Variants in LPO observed in about 807,000 individuals in gnomAD.
LPO encodes salivary peroxidase.
A neutral mutation model predicts 68.4 loss-of-function variants in LPO; 70 were observed. That is an observed-to-expected ratio of 1.02 (90% CI 0.84 to 1.25). The LOEUF is 1.25. LPO is among the 50% of genes most tolerant of loss of function. The probability of loss-of-function intolerance (pLI) is 0.00; values close to 1 mark genes in which losing one functional copy is unlikely to be tolerated. For synonymous variants in LPO, 360 were observed against 357.6 expected, an observed-to-expected ratio of 1.01 and a Z score of -0.08; for missense variants, 873 against 908.4, an observed-to-expected ratio of 0.96 and a Z score of 0.50.
At chr17:58,257,223 C>T (rs115576510) in intron 9 of LPO, among the ~76,000 whole-genome samples, 11,715 of 152,002 alleles carry the variant, frequency 0.077, 472 homozygotes, top group Middle Eastern at 0.14. Flanking sequence ...CATGAGCCAC[C>T]GCGCCTGGCC....
At chr17:58,255,801 C>G (rs1970059351) in intron 9 of LPO, among the ~76,000 whole-genome samples, 1 of 152,158 alleles carries the variant, frequency 6.6e-6, no homozygotes, top group African/African-American at 2.4e-5. Flanking sequence ...GATACACTGG[C>G]AAAACCAGGA....
chr17:58,254,685 T>C (rs1247815961), intron 8 of LPO, 126 bp from the exon 9 acceptor site: 2 of 796,794 alleles, frequency 2.5e-6, no homozygotes, highest in Non-Finnish European at 3.7e-6. Context: ...TGACGGGAAG[T>C]AGGGCTTGTT....
At chr17:58,257,688 C>G (rs1301691254) in intron 9 of LPO, among the ~76,000 whole-genome samples, 1 of 152,194 alleles carries the variant, frequency 6.6e-6, no homozygotes, top group Non-Finnish European at 1.5e-5. Flanking sequence ...TATGGCAGCT[C>G]AATTTTTAGT....
rs1970288023 is a variant in LPO at position 58,267,372 on chromosome 17, T to C, written c.1717T>C (p.Cys573Arg). The C allele has an allele frequency of 1.9e-6, 3 of 1,614,102 alleles. No individual in the cohort carries two copies. Among genetic ancestry groups the C allele is most frequent in the Admixed American group, 3.3e-5 (2 of 60,002 alleles). ...AGGGTACAATTCCTGGAGAGCCTTC[T>C]GTGACCTCTCACAGCCGCAGACACT... is the stretch of plus-strand genomic sequence containing the variant. ...QPGYNSWRAF[C>R]DLSQPQTLEE... Residue 573 changes from cysteine to arginine, a missense_variant, in exon 12 of 13, where the codon TGT becomes CGT. By Grantham distance (180) the Cys-to-Arg change is radical. Coordinates refer to ENST00000262290, the MANE Select transcript of LPO (RefSeq NM_006151.3).
At chr17:58,250,310 A>C in intron 6 of LPO, 105 bp from the exon 7 acceptor site, 2 of 865,370 alleles carry the variant, frequency 2.3e-6, no homozygotes, top group Non-Finnish European at 3.9e-6. Context: ...TGTAGGGATT[A>C]AGTGCACTTG....
At position 58,254,872 on chromosome 17, in the gene LPO, G is replaced by A; in HGVS notation, c.1167G>A (p.Glu389=). Residue 389 remains glutamate, a synonymous_variant, in exon 9 of 13, where the codon GAG becomes GAA. Coordinates refer to ENST00000262290, the MANE Select transcript of LPO (RefSeq NM_006151.3). ...CATCCCACACCCTCTTTCTCCGCGA[G>A]CATAACCGGCTGGCCAGAGAACTAA... ...LATSHTLFLR[E]HNRLARELKR... 6.2e-7 allele frequency: 1 copy of A among 1,614,172 alleles called. No individual in the cohort carries two copies. The highest frequency in any genetic ancestry group is 8.5e-7 in the Non-Finnish European group (1 of 1,180,044).
chr17:58,257,207 T>A (rs1175099250), intron 9 of LPO, among the ~76,000 whole-genome samples: 9 of 151,998 alleles, frequency 5.9e-5, no homozygotes, highest in African/African-American at 2.2e-4. Context: ...ATGCTGAGAT[T>A]ACAGACATGA....
intron 2 of LPO, chr17:58,243,609 G>T (rs146912449): frequency 3.6e-6 from 1 of 281,140 alleles, no homozygotes. Flanking sequence ...CCTTCTGTAC[G>T]TCAGGGTCCT....
In LPO at chr17:58,267,753, A is replaced by G. The variant is rs1598036106; in HGVS notation, c.1932-34A>G. The G allele has an allele frequency of 2.5e-6, 4 of 1,597,776 alleles. No homozygotes were observed. In the East Asian group the frequency reaches 8.9e-5, roughly 36 times the overall value. ...ACAGAGTGGGGAGGGGCCAGCGGCC[A>G]GACTGTGGAGTGACTCTACTTCTGT... On this transcript the variant is annotated intron_variant, in intron 12 of 12. Coordinates refer to ENST00000262290, the MANE Select transcript of LPO (RefSeq NM_006151.3).
In LPO at chr17:58,264,935, C is replaced by T. The variant is rs757556678; in HGVS notation, c.1480C>T (p.His494Tyr). 5 of 1,614,216 alleles carry T rather than the reference C, an allele frequency of 3.1e-6. No individual in the cohort carries two copies. The South Asian group carries it at 5.5e-5, about 18-fold the overall frequency. ...PWGPEPELPLHTLFFNTWRMV... is the reference protein window; with the variant it reads ...PWGPEPELPLYTLFFNTWRMV... ...GGGGCCAGAACCAGAACTCCCCCTCCACACCCTCTTCTTCAACACTTGGAG... is the reference window on the plus strand; with the variant it reads ...GGGGCCAGAACCAGAACTCCCCCTCTACACCCTCTTCTTCAACACTTGGAG... Residue 494 changes from histidine (H) to tyrosine (Y), a missense_variant, in exon 10 of 13, where the codon CAC (histidine) becomes TAC (tyrosine). By Grantham distance (83) the His-to-Tyr change is moderately conservative (BLOSUM62 2). Coordinates refer to ENST00000262290, the MANE Select transcript of LPO (RefSeq NM_006151.3).
Position 58,247,462 on chromosome 17 carries a change from T to C in LPO, c.165-16T>C. On this transcript the variant is annotated splice_polypyrimidine_tract_variant and intron_variant, in intron 3 of 12. Coordinates refer to ENST00000262290, the MANE Select transcript of LPO (RefSeq NM_006151.3). ...TACAGGGTCCAGGCCATGATCCCCA[T>C]CTCCCTCCACTGTAGGCTGAAGACC... is the stretch of plus-strand genomic sequence containing the variant. 8 of 1,413,844 alleles carry C rather than the reference T, an allele frequency of 5.7e-6. No homozygotes were observed. Among genetic ancestry groups the C allele is most frequent in the Non-Finnish European group, 7.6e-6 (8 of 1,052,926 alleles). The allele number at this position is 1,413,844 out of a possible 1,614,324, so 87.6% of individuals were successfully genotyped here. A position where few individuals can be genotyped will look rare whatever the true frequency, so the allele number is the denominator to read the frequency against.
Position 58,247,465 on chromosome 17 carries a change from C to T in LPO, c.165-13C>T. On this transcript the variant is annotated splice_polypyrimidine_tract_variant and intron_variant, in intron 3 of 12. Coordinates refer to ENST00000262290, the MANE Select transcript of LPO (RefSeq NM_006151.3). Reference sequence around the variant, plus strand: ...AGGGTCCAGGCCATGATCCCCATCTCCCTCCACTGTAGGCTGAAGACCGCC... The same window carrying T: ...AGGGTCCAGGCCATGATCCCCATCTTCCTCCACTGTAGGCTGAAGACCGCC... 6.2e-7 allele frequency: 1 copy of T among 1,601,788 alleles called. No individual in the cohort carries two copies. Among genetic ancestry groups the T allele is most frequent in the Non-Finnish European group, 8.5e-7 (1 of 1,173,428 alleles).
rs989119091 is a variant in LPO, at chr17:58,238,627, T to G, written c.-115T>G. 1.3e-5 allele frequency: 2 copies of G among 152,218 alleles called. No homozygotes were observed. The highest frequency in any genetic ancestry group is 2.9e-5 in the Non-Finnish European group (2 of 68,020). The allele number at this position is 152,218 out of a possible 1,614,324, so 9.4% of individuals were successfully genotyped here. A position where few individuals can be genotyped will look rare whatever the true frequency, so the allele number is the denominator to read the frequency against. On this transcript the variant is annotated 5_prime_UTR_variant, in exon 1 of 13. Coordinates refer to ENST00000262290, the MANE Select transcript of LPO (RefSeq NM_006151.3). Reference sequence around the variant, plus strand: ...GCGTCTCCTCCAAGCCACATCAAAATCTTTCCTTCTGGGCCTTTCCCAGAA... The same window carrying G: ...GCGTCTCCTCCAAGCCACATCAAAAGCTTTCCTTCTGGGCCTTTCCCAGAA...
rs115760979 is a variant in LPO, at chr17:58,242,826, G to C, written c.-2-152G>C. 4.5e-4 allele frequency: 293 copies of C among 644,066 alleles called. No individual in the cohort carries two copies. In the African/African-American group the frequency reaches 4.6e-3, roughly 10 times the overall value. 39.9% of individuals were successfully genotyped at this position (644,066 alleles called of 1,614,324 possible). On this transcript the variant is annotated intron_variant, in intron 1 of 12. Transcript: ENST00000262290. ...GTACCTAGCACAGGCCTGTGTGTAT[G>C]GTAGATGCTTCATTCGTTAATGTGG...
chr17:58,244,124 C>CAT, intron 3 of LPO, 43 bp downstream of exon 3: 1 of 1,365,716 alleles, frequency 7.3e-7, no homozygotes. Flanking sequence ...CACACACACA[C>CAT]ACACACACTT....
intron 4 of LPO, among the ~76,000 whole-genome samples, chr17:58,248,005 A>G (rs556289079): frequency 5.6e-4 from 85 of 152,316 alleles, no homozygotes; most frequent in South Asian, 1.5e-3. Flanking sequence ...TTCCTCTAGT[A>G]GAAGAGACAT....
intron 9 of LPO, among the ~76,000 whole-genome samples, chr17:58,255,367 G>T (rs1030005883): frequency 6.6e-6 from 1 of 152,190 alleles, no homozygotes. Context: ...CATACTCAGC[G>T]GATACTGTTG....
intron 11 of LPO, among the ~76,000 whole-genome samples, 198 bp downstream of exon 11, chr17:58,266,524 G>A (rs553355328): frequency 1.2e-4 from 19 of 152,008 alleles, no homozygotes; most frequent in African/African-American, 2.7e-4. Flanking sequence ...ACAGCGGTGC[G>A]ATCACAGCTC....
chr17:58,250,062 C>T lies in LPO; in HGVS notation c.574-353C>T, dbSNP rs552539170. ...GGCAGCCCCTACCCAGAGCCCCTCTCCTATTCCTGGACACCTGGCACCTCC... is the reference window on the plus strand; with the variant it reads ...GGCAGCCCCTACCCAGAGCCCCTCTTCTATTCCTGGACACCTGGCACCTCC... On this transcript the variant is annotated intron_variant, in intron 6 of 12. Coordinates refer to ENST00000262290, the MANE Select transcript of LPO (RefSeq NM_006151.3). Among the ~76,000 whole-genome samples the T allele has an allele frequency of 5.3e-5, 8 of 152,292 alleles. No individual in the cohort carries two copies. In the East Asian group the frequency reaches 1.5e-3, roughly 29 times the overall value.
Sources: gnomAD v4.1 joint callset for allele counts (sites outside exome capture counted in the v4.1 genomes callset) on GRCh38, gnomAD v4.1.1 for gene constraint, MANE v1.5 for transcripts, NCBI Gene and HGNC (gene_info 2026-07-23, HGNC 2026-07-21) for gene names.